UBE2K: variants seen among roughly 807,000 people sequenced by gnomAD.
UBE2K encodes the protein ubiquitin-conjugating enzyme E2 K.
In UBE2K, 6 loss-of-function variants were observed where a neutral mutation model predicts 30.0. The ratio of observed to expected loss-of-function variants is 0.20; its 90% CI spans 0.11 to 0.39. UBE2K has a LOEUF of 0.39. Among genes scored for constraint, UBE2K ranks in the 10% least tolerant of loss-of-function variants. The probability of loss-of-function intolerance (pLI) is 1.00; values close to 1 mark genes in which losing one functional copy is unlikely to be tolerated. For missense variants in UBE2K, 61 were observed against 241.6 expected (o/e 0.25, Z 4.96); for synonymous variants, 86 against 83.7 (o/e 1.03, Z -0.15).
Position 39,779,305 on chromosome 4 carries a change from A to G in UBE2K, c.*871A>G, listed in dbSNP as rs1167231102. On this transcript the variant is annotated 3_prime_UTR_variant, in exon 7 of 7. Transcript: ENST00000261427. ...TTCCCAGGTTTAATGAAAGAACCCAACTTAGTTTTTCAGTGAATTTGACAC... is the reference window on the plus strand; with the variant it reads ...TTCCCAGGTTTAATGAAAGAACCCAGCTTAGTTTTTCAGTGAATTTGACAC... 3 of 152,230 alleles carry G rather than the reference A, an allele frequency of 2.0e-5. No individual in the cohort carries two copies. The highest frequency in any genetic ancestry group is 7.2e-5 in the African/African-American group (3 of 41,452). The allele number at this position is 152,230 out of a possible 1,614,324, so 9.4% of individuals were successfully genotyped here. A position where few individuals can be genotyped will look rare whatever the true frequency, so the allele number is the denominator to read the frequency against.
At chr4:39,731,000 T>A (rs1026429942) in intron 1 of UBE2K, among the ~76,000 whole-genome samples, 1 of 151,820 alleles carries the variant, frequency 6.6e-6, no homozygotes, top group Admixed American at 6.6e-5. Context: ...TATCTTTTAT[T>A]TTCAAGACAG....
chr4:39,775,059 G>C (rs1272929990), intron 5 of UBE2K, 126 bp downstream of exon 5: 5 of 502,938 alleles, frequency 9.9e-6, no homozygotes, highest in Non-Finnish European at 1.7e-5. Flanking sequence ...TTTCTTTCTT[G>C]TGGTAGGATT....
At chr4:39,756,761 A>G (rs1330018034) in intron 4 of UBE2K, among the ~76,000 whole-genome samples, 1 of 152,202 alleles carries the variant, frequency 6.6e-6, no homozygotes, top group African/African-American at 2.4e-5. Flanking sequence ...ATGAAAAGTA[A>G]TTGGAGTGGG....
chr4:39,734,775 C>G (rs998380283), intron 1 of UBE2K, among the ~76,000 whole-genome samples: 2 of 152,194 alleles, frequency 1.3e-5, no homozygotes, highest in Non-Finnish European at 2.9e-5. Flanking sequence ...CGCACTGCTG[C>G]ATTCCAGCCA....
chr4:39,769,213 G>GTTTTTTTTTTTTTTTGTTTTTTTTTTT (rs60471860), intron 4 of UBE2K, among the ~76,000 whole-genome samples: 2 of 128,688 alleles, frequency 1.6e-5, no homozygotes, highest in African/African-American at 2.9e-5. Context: ...GTTTCTTTTT[G>GTTTTTTTTTTTTTTTGTTTTTTTTTTT]TTTTTTTTTT....
intron 4 of UBE2K, among the ~76,000 whole-genome samples, chr4:39,760,069 C>T (rs186292048): frequency 1.3e-4 from 19 of 145,300 alleles, no homozygotes; most frequent in South Asian, 2.2e-4. Flanking sequence ...CCCAGCTACT[C>T]GTGGGGCTGA....
At chr4:39,742,982 G>A (rs1446896874) in intron 2 of UBE2K, among the ~76,000 whole-genome samples, 3 of 151,908 alleles carry the variant, frequency 2.0e-5, no homozygotes, top group African/African-American at 7.3e-5. Context: ...AAAGGTGGAG[G>A]TTGCAGTGAG....
chr4:39,735,128 C>T (rs1251615170), intron 1 of UBE2K, among the ~76,000 whole-genome samples: 1 of 152,196 alleles, frequency 6.6e-6, no homozygotes, highest in Admixed American at 6.5e-5. Flanking sequence ...TTAACACTGG[C>T]TTCTTAAATT....
At chr4:39,736,487 C>G (rs1720388399) in intron 1 of UBE2K, among the ~76,000 whole-genome samples, 1 of 152,078 alleles carries the variant, frequency 6.6e-6, no homozygotes, top group African/African-American at 2.4e-5. Context: ...GTAACCTGTT[C>G]TTTAGGGATT....
At chr4:39,717,959 T>C (rs172552) in intron 1 of UBE2K, among the ~76,000 whole-genome samples, 2 of 142,762 alleles carry the variant, frequency 1.4e-5, no homozygotes, top group African/African-American at 6.1e-5. Flanking sequence ...TGCAGACCTT[T>C]GCGGTGAGTG....
chr4:39,757,011 G>GTTTGTTTTTTT (rs1721558962), intron 4 of UBE2K, among the ~76,000 whole-genome samples: 1 of 76,824 alleles, frequency 1.3e-5, no homozygotes, highest in African/African-American at 5.3e-5. Context: ...TTTTTTTTTT[G>GTTTGTTTTTTT]TTTTTTGTTT....
chr4:39,725,404 A>C (rs1218037227), intron 1 of UBE2K, among the ~76,000 whole-genome samples: 3 of 131,840 alleles, frequency 2.3e-5, no homozygotes, highest in East Asian at 4.5e-4. Context: ...AAAAAAAAAA[A>C]AACACCTCTT....
At chr4:39,720,738 A>ATG (rs1451187132) in intron 1 of UBE2K, among the ~76,000 whole-genome samples, 1 of 152,092 alleles carries the variant, frequency 6.6e-6, no homozygotes, top group Non-Finnish European at 1.5e-5. Flanking sequence ...GTTTTTTTCT[A>ATG]TGTATATATG....
chr4:39,740,807 G>T (rs1234172147), intron 2 of UBE2K, among the ~76,000 whole-genome samples: 2 of 147,996 alleles, frequency 1.4e-5, no homozygotes, highest in Admixed American at 6.8e-5. Flanking sequence ...AGCTTGCAGT[G>T]AGCCGAGATT....
intron 2 of UBE2K, among the ~76,000 whole-genome samples, chr4:39,738,553 T>C (rs2109350768): frequency 6.6e-6 from 1 of 152,348 alleles, no homozygotes; most frequent in African/African-American, 2.4e-5. Context: ...AGTGGCATGG[T>C]CATAGCTCAT....
In UBE2K at chr4:39,711,312, G is replaced by A. The variant is rs551195325; in HGVS notation, c.63+12922G>A. Among the ~76,000 whole-genome samples the A allele has an allele frequency of 3.5e-3, 530 of 151,112 alleles. 3 individuals carry two copies. The highest frequency in any genetic ancestry group is 0.011 in the African/African-American group (460 of 41,272). On this transcript the variant is annotated intron_variant, in intron 1 of 6. Transcript: ENST00000261427. ...CGAGTATCTGGGACTACAGGCGCCC[G>A]CCACCAAGCCCAGCTAATTTTTTGT...
chr4:39,733,446 C>T (rs1247409272), intron 1 of UBE2K, among the ~76,000 whole-genome samples: 9 of 150,732 alleles, frequency 6.0e-5, no homozygotes. Context: ...CATTCTTCTG[C>T]CTCAGTCTCC....
rs1348179198 is a variant in UBE2K at position 39,779,194 on chromosome 4, C to T, written c.*760C>T. ...ATGTCTTGTCCCAGTTCTTCAAACA[C>T]TCTTAAATTTTTCTTAAGTAATGTA... On this transcript the variant is annotated 3_prime_UTR_variant, in exon 7 of 7. Coordinates refer to ENST00000261427, the MANE Select transcript of UBE2K (RefSeq NM_005339.5). 6.6e-6 allele frequency: 1 copy of T among 151,996 alleles called. No individual in the cohort carries two copies. Among genetic ancestry groups the T allele is most frequent in the Admixed American group, 6.5e-5 (1 of 15,268 alleles). 9.4% of individuals were successfully genotyped at this position (151,996 alleles called of 1,614,324 possible).
At chr4:39,708,412 T>C (rs1718495829) in intron 1 of UBE2K, among the ~76,000 whole-genome samples, 1 of 151,998 alleles carries the variant, frequency 6.6e-6, no homozygotes, top group African/African-American at 2.4e-5. Flanking sequence ...CCCTTTTTCA[T>C]ATTAAAGTAA....
Sources: allele counts gnomAD v4.1 joint callset (sites outside exome capture counted in the v4.1 genomes callset), GRCh38; gene constraint gnomAD v4.1.1; transcripts MANE v1.5; gene names NCBI Gene and HGNC (gene_info 2026-07-23, HGNC 2026-07-21).